The following TRIM2 variants were observed in gnomAD, a reference collection of about 807,000 sequenced individuals.
TRIM2 encodes tripartite motif containing 2.
Under a neutral mutation model 75.2 loss-of-function variants are expected in TRIM2, and 20 were observed. The observed-to-expected ratio is 0.27, with a 90% confidence interval of 0.19 to 0.39. The LOEUF (loss-of-function observed/expected upper bound fraction) is 0.39. TRIM2 is among the 10% of genes least tolerant of loss of function. The probability of loss-of-function intolerance (pLI) is 1.00; values close to 1 mark genes in which losing one functional copy is unlikely to be tolerated. For missense variants in TRIM2, 660 were observed against 990.8 expected (o/e 0.67, Z 4.48); for synonymous variants, 373 against 388.3 (o/e 0.96, Z 0.46).
rs796400642 is a variant in TRIM2 at position 153,314,201 on chromosome 4, A to T, written c.1511-1284A>T. ...AGAGTCTAGCCGAGGCGGGCGGATC[A>T]CGAGGTCAGGAGATCGAGACCATCC... On this transcript the variant is annotated intron_variant, in intron 6 of 11. Transcript: ENST00000338700. Among the ~76,000 whole-genome samples, 15 of 144,888 alleles carry T rather than the reference A, an allele frequency of 1.0e-4. 2 individuals are homozygous for T. The highest frequency in any genetic ancestry group is 4.3e-4 in the African/African-American group (15 of 34,612).
At chr4:153,227,462 A>G (rs1445022365) in intron 1 of TRIM2, among the ~76,000 whole-genome samples, 1 of 152,238 alleles carries the variant, frequency 6.6e-6, no homozygotes, top group East Asian at 1.9e-4. Context: ...CTCTCAGACT[A>G]CACAAAGACA....
intron 1 of TRIM2, among the ~76,000 whole-genome samples, chr4:153,161,811 C>T (rs1327547045): frequency 2.6e-5 from 4 of 152,196 alleles, no homozygotes; most frequent in Non-Finnish European, 5.9e-5. Flanking sequence ...GCAAGGATTG[C>T]TCCATGGATC....
At chr4:153,308,524 T>C in intron 6 of TRIM2, 1 of 750,298 alleles carries the variant, frequency 1.3e-6, no homozygotes, top group Non-Finnish European at 2.4e-6. Context: ...AAGTTCCTTT[T>C]TGGTCCTTCT....
chr4:153,253,598 A>G (rs551627221), intron 1 of TRIM2, among the ~76,000 whole-genome samples: 1 of 152,330 alleles, frequency 6.6e-6, no homozygotes, highest in East Asian at 1.9e-4. Flanking sequence ...CTGCATTCCC[A>G]GATGGTTAAG....
Position 153,322,799 on chromosome 4 carries a change from G to A in TRIM2, c.1934G>A (p.Gly645Glu). 6.2e-7 allele frequency: 1 copy of A among 1,614,188 alleles called. No individual in the cohort carries two copies. Among genetic ancestry groups the A allele is most frequent in the Non-Finnish European group, 8.5e-7 (1 of 1,180,030 alleles). ...ACCAGGTTTGGTAGCCGAGGAAATG[G>A]GGACAGGCAGTTTGCAGGTACACTC... Reference protein sequence around the residue: ...IVTRFGSRGNGDRQFAGPHFA... With the variant: ...IVTRFGSRGNEDRQFAGPHFA... Residue 645 changes from glycine to glutamate, a missense_variant, in exon 9 of 12, where the codon GGG becomes GAG. Coordinates refer to ENST00000338700, the MANE Select transcript of TRIM2 (RefSeq NM_015271.5).
chr4:153,207,007 A>AG (rs1292403749), intron 1 of TRIM2, among the ~76,000 whole-genome samples: 3 of 152,234 alleles, frequency 2.0e-5, no homozygotes, highest in African/African-American at 7.2e-5. Flanking sequence ...CTCCCGCCTC[A>AG]GCCTACCAAA....
chr4:153,225,711 G>A (rs1025000886), intron 1 of TRIM2, among the ~76,000 whole-genome samples: 3 of 152,196 alleles, frequency 2.0e-5, no homozygotes, highest in Non-Finnish European at 2.9e-5. Flanking sequence ...ATGACCTTGA[G>A]CCACTATTTA....
chr4:153,251,984 C>G (rs1750988618), intron 1 of TRIM2, among the ~76,000 whole-genome samples: 1 of 152,042 alleles, frequency 6.6e-6, no homozygotes, highest in Non-Finnish European at 1.5e-5. Context: ...TCAAAAAATA[C>G]AAGTTAAAAA....
rs2149619884 is a variant in TRIM2, at chr4:153,339,070, T to G, written c.*4104T>G. 1.0e-6 allele frequency: 1 copy of G among 985,796 alleles called. No homozygotes were observed. The highest frequency in any genetic ancestry group is 1.2e-6 in the Non-Finnish European group (1 of 829,898). 61.1% of individuals were successfully genotyped at this position (985,796 alleles called of 1,614,324 possible). ...TTGCACTCTCTGACATTGATACTGA[T>G]ATATTCTCGTCATTTGTTCTTTTAT... On this transcript the variant is annotated 3_prime_UTR_variant, in exon 12 of 12. Transcript: ENST00000338700.
chr4:153,204,428 G>A (rs1018975956), upstream of TRIM2: 12 of 1,379,948 alleles, frequency 8.7e-6, no homozygotes, highest in South Asian at 1.5e-4. Context: ...TTTAGTAAGG[G>A]CCACCCTTTA....
chr4:153,250,041 G>A (rs1433453793), intron 1 of TRIM2, among the ~76,000 whole-genome samples: 2 of 151,802 alleles, frequency 1.3e-5, no homozygotes, highest in Non-Finnish European at 2.9e-5. Flanking sequence ...GAATAATGAA[G>A]GAGTAGACAT....
At chr4:153,303,855 C>T (rs1445022343) in intron 6 of TRIM2, among the ~76,000 whole-genome samples, 1 of 152,188 alleles carries the variant, frequency 6.6e-6, no homozygotes, top group Non-Finnish European at 1.5e-5. Context: ...CTCAGATTTT[C>T]ATCTTTGCCC....
intron 1 of TRIM2, among the ~76,000 whole-genome samples, chr4:153,212,478 C>A (rs1304012104): frequency 6.6e-6 from 1 of 152,134 alleles, no homozygotes; most frequent in African/African-American, 2.4e-5. Context: ...AAAGCCCAGA[C>A]TTCACCATTA....
intron 1 of TRIM2, among the ~76,000 whole-genome samples, chr4:153,194,158 G>A (rs182931583): frequency 6.6e-6 from 1 of 152,152 alleles, no homozygotes; most frequent in Non-Finnish European, 1.5e-5. Context: ...AGAGTGAGAT[G>A]GGGAAAGAGT....
intron 1 of TRIM2, among the ~76,000 whole-genome samples, chr4:153,224,752 G>A (rs1456389073): frequency 6.6e-6 from 1 of 152,182 alleles, no homozygotes; most frequent in Admixed American, 6.5e-5. Flanking sequence ...TATTTTTCTT[G>A]CATCATCATT....
chr4:153,276,746 T>C (rs953883700), intron 3 of TRIM2, among the ~76,000 whole-genome samples: 2 of 152,232 alleles, frequency 1.3e-5, no homozygotes, highest in African/African-American at 2.4e-5. Flanking sequence ...GGACATTGGC[T>C]TTGGAGTCAG....
rs749941218 is a variant in TRIM2, at chr4:153,324,053, A to G, written c.1952-25A>G. 7 of 1,597,844 alleles carry G rather than the reference A, an allele frequency of 4.4e-6. 1 individual carries two copies. In the East Asian group the frequency reaches 9.0e-5, roughly 20 times the overall value. ...TAATCACTTTTGTTGTAGTCATCAC[A>G]TATTTTTTTCCATCTTTATTGCAGG... On this transcript the variant is annotated intron_variant, in intron 9 of 11. Coordinates refer to ENST00000338700, the MANE Select transcript of TRIM2 (RefSeq NM_015271.5).
intron 1 of TRIM2, among the ~76,000 whole-genome samples, chr4:153,233,945 G>A (rs889545004): frequency 2.0e-5 from 3 of 152,158 alleles, no homozygotes; most frequent in Non-Finnish European, 4.4e-5. Context: ...GCACCGGGCT[G>A]CTTTGCTTTG....
Position 153,337,854 on chromosome 4 carries a change from T to C in TRIM2, c.*2888T>C, listed in dbSNP as rs1772625203. ...GGCACGTAAGGCAAAATATTGCCGG[T>C]TGGGATTTCAAGGTCAGTGACGACG... is the stretch of plus-strand genomic sequence containing the variant. On this transcript the variant is annotated 3_prime_UTR_variant, in exon 12 of 12. Transcript: ENST00000338700. The C allele has an allele frequency of 1.0e-6, 1 of 985,652 alleles. No homozygotes were observed. Among genetic ancestry groups the C allele is most frequent in the African/African-American group, 1.7e-5 (1 of 57,206 alleles). 61.1% of individuals were successfully genotyped at this position (985,652 alleles called of 1,614,324 possible). A position where few individuals can be genotyped will look rare whatever the true frequency, so the allele number is the denominator to read the frequency against.
Sources: allele counts gnomAD v4.1 joint callset (sites outside exome capture counted in the v4.1 genomes callset), GRCh38; gene constraint gnomAD v4.1.1; transcripts MANE v1.5; gene names NCBI Gene and HGNC (gene_info 2026-07-23, HGNC 2026-07-21).